Variants in KLHL1 observed in about 807,000 individuals in gnomAD.
KLHL1 encodes the protein kelch like family member 1.
In KLHL1, 47 loss-of-function variants were observed where a neutral mutation model predicts 77.7. The observed-to-expected ratio is 0.60, with a 90% confidence interval of 0.48 to 0.77. KLHL1 has a LOEUF of 0.77. Among genes scored for constraint, KLHL1 ranks in the 30% least tolerant of loss-of-function variants. The pLI is 0.00. For synonymous variants in KLHL1, 360 were observed against 325.2 expected (o/e 1.11, Z -1.15); for missense variants, 925 against 910.8 (o/e 1.02, Z -0.20).
At chr13:69,959,538 C>CT (rs894641147) in intron 3 of KLHL1, among the ~76,000 whole-genome samples, 3 of 146,416 alleles carry the variant, frequency 2.0e-5, no homozygotes, top group Non-Finnish European at 3.0e-5. Context: ...GCTCACCCCT[C>CT]TTTTTTCAGA....
chr13:69,897,340 A>G (rs2325251), intron 4 of KLHL1, among the ~76,000 whole-genome samples: 135,383 of 152,060 alleles, frequency 0.89, 61,114 homozygotes, highest in South Asian at 0.98. Context: ...AAATTTTTGG[A>G]CACCCCAAGC....
At chr13:69,721,065 A>AC in intron 8 of KLHL1, among the ~76,000 whole-genome samples, 1 of 52,372 alleles carries the variant, frequency 1.9e-5, no homozygotes, top group Middle Eastern at 7.1e-3. Flanking sequence ...CTACTAAGAT[A>AC]TATATATATA....
chr13:70,008,384 G>A (rs1201531721), intron 1 of KLHL1, among the ~76,000 whole-genome samples: 2 of 151,806 alleles, frequency 1.3e-5, no homozygotes, highest in African/African-American at 4.8e-5. Flanking sequence ...TATCTTTTCA[G>A]GTCATATAAG....
intron 6 of KLHL1, among the ~76,000 whole-genome samples, chr13:69,834,733 T>C (rs1651690258): frequency 6.6e-6 from 1 of 152,088 alleles, no homozygotes; most frequent in African/African-American, 2.4e-5. Context: ...TGTCTATCAT[T>C]TGAAGAAGAG....
intron 7 of KLHL1, among the ~76,000 whole-genome samples, chr13:69,783,321 T>C (rs886068837): frequency 3.9e-5 from 6 of 152,196 alleles, no homozygotes; most frequent in African/African-American, 1.4e-4. Context: ...CAAAGCTGGA[T>C]GGAGAATGAC....
chr13:69,939,360 T>C (rs1243185635), intron 4 of KLHL1, among the ~76,000 whole-genome samples: 8 of 84,246 alleles, frequency 9.5e-5, no homozygotes, highest in African/African-American at 3.3e-4. Flanking sequence ...TATATATATA[T>C]ATATATATAT....
chr13:69,922,924 T>A (rs1411284613), intron 4 of KLHL1, among the ~76,000 whole-genome samples: 2 of 152,292 alleles, frequency 1.3e-5, no homozygotes, highest in South Asian at 4.1e-4. Context: ...AAATATTATA[T>A]AAAATATTCA....
At chr13:70,080,041 G>A (rs1313001927) in intron 1 of KLHL1, among the ~76,000 whole-genome samples, 1 of 152,174 alleles carries the variant, frequency 6.6e-6, no homozygotes, top group African/African-American at 2.4e-5. Context: ...TTTGTGGATA[G>A]GTACCAAGAT....
chr13:70,070,932 G>A (rs975043795), intron 1 of KLHL1, among the ~76,000 whole-genome samples: 2 of 151,950 alleles, frequency 1.3e-5, no homozygotes, highest in Admixed American at 1.3e-4. Context: ...TAGACTAATA[G>A]AGGAGAAAAT....
intron 7 of KLHL1, among the ~76,000 whole-genome samples, chr13:69,742,105 C>T (rs1299401086): frequency 6.6e-6 from 1 of 152,108 alleles, no homozygotes. Context: ...TAAAGTATTT[C>T]TTGCCTGTTT....
chr13:69,821,710 G>T (rs1192107345), intron 6 of KLHL1, among the ~76,000 whole-genome samples: 2 of 152,028 alleles, frequency 1.3e-5, no homozygotes, highest in Non-Finnish European at 2.9e-5. Flanking sequence ...TTATCAAAGT[G>T]GCCTTCCGCT....
intron 4 of KLHL1, among the ~76,000 whole-genome samples, chr13:69,916,916 AT>A (rs1882464305): frequency 6.6e-6 from 1 of 152,082 alleles, no homozygotes; most frequent in African/African-American, 2.4e-5. Context: ...TATACACAAT[AT>A]AGTGCAAGCA....
intron 1 of KLHL1, among the ~76,000 whole-genome samples, chr13:69,990,147 A>C (rs1187156156): frequency 6.6e-6 from 1 of 152,134 alleles, no homozygotes; most frequent in Middle Eastern, 3.4e-3. Context: ...TGTTATCAAC[A>C]GAACTGCCTT....
At chr13:69,876,219 G>C (rs1285916681) in intron 5 of KLHL1, among the ~76,000 whole-genome samples, 1 of 152,106 alleles carries the variant, frequency 6.6e-6, no homozygotes, top group Non-Finnish European at 1.5e-5. Context: ...ATTTTCCACT[G>C]TGATTTCAAA....
At chr13:69,768,346 A>T (rs1245415706) in intron 7 of KLHL1, among the ~76,000 whole-genome samples, 1 of 152,174 alleles carries the variant, frequency 6.6e-6, no homozygotes, top group Non-Finnish European at 1.5e-5. Flanking sequence ...ACATTACACA[A>T]AGCTTCTACA....
chr13:69,893,656 G>A (rs558498999), intron 4 of KLHL1, among the ~76,000 whole-genome samples: 1 of 152,270 alleles, frequency 6.6e-6, no homozygotes, highest in Non-Finnish European at 1.5e-5. Context: ...CTCTAAATAC[G>A]AAAGTTGGTA....
chr13:69,947,405 C>T (rs1883566438), intron 3 of KLHL1, among the ~76,000 whole-genome samples: 1 of 151,888 alleles, frequency 6.6e-6, no homozygotes, highest in African/African-American at 2.4e-5. Flanking sequence ...GAAAAAAGAT[C>T]CAGAGGCAGT....
chr13:69,991,383 A>C (rs1885024520), intron 1 of KLHL1, among the ~76,000 whole-genome samples: 2 of 149,338 alleles, frequency 1.3e-5, no homozygotes, highest in Non-Finnish European at 2.9e-5. Context: ...CTTTGAAAAC[A>C]ACAACAATGA....
chr13:69,783,458 A>C (rs1376169618), intron 7 of KLHL1, among the ~76,000 whole-genome samples: 1 of 152,170 alleles, frequency 6.6e-6, no homozygotes, highest in Non-Finnish European at 1.5e-5. Flanking sequence ...TAACTAGAAT[A>C]ACCAAAGCAG....
Sources: allele counts gnomAD v4.1 joint callset (sites outside exome capture counted in the v4.1 genomes callset), GRCh38; gene constraint gnomAD v4.1.1; transcripts MANE v1.5; gene names NCBI Gene and HGNC (gene_info 2026-07-23, HGNC 2026-07-21).